Variants in PCLO observed in about 807,000 individuals in gnomAD.
The protein encoded by PCLO is protein piccolo.
Under a neutral mutation model 427.5 loss-of-function variants are expected in PCLO, and 82 were observed. The observed-to-expected ratio is 0.19, with a 90% CI of 0.16 to 0.23. The LOEUF (loss-of-function observed/expected upper bound fraction) is 0.23, where lower values mean the gene tolerates loss of function less well. PCLO is among the 10% of genes least tolerant of loss of function. PCLO has a pLI of 1.00. For synonymous variants in PCLO, 2,357 were observed against 2,155.4 expected, an observed-to-expected ratio of 1.09 and a Z score of -2.59; for missense variants, 6,239 against 6,115.9, an observed-to-expected ratio of 1.02 and a Z score of -0.67.
intron 10 of PCLO, among the ~76,000 whole-genome samples, chr7:82,865,837 T>A (rs1324104832): frequency 1.3e-5 from 2 of 152,312 alleles, no homozygotes; most frequent in Non-Finnish European, 1.5e-5. Flanking sequence ...TTAACTTACA[T>A]AGGTTCTTAC....
Position 82,951,269 on chromosome 7 carries a change from G to A in PCLO, c.9319C>T (p.Pro3107Ser). Residue 3107 changes from proline to serine, a missense_variant, in exon 6 of 25, where the codon CCT becomes TCT. Coordinates refer to ENST00000333891, the MANE Select transcript of PCLO (RefSeq NM_033026.6). ...TPSTFAITTQPGSIFSTTVRD... is the reference protein window; with the variant it reads ...TPSTFAITTQSGSIFSTTVRD... ...ACTGTGGTGCTGAAAATGGAGCCAG[G>A]TTGTGTGGTGATAGCAAATGTAGAG... The A allele has an allele frequency of 6.2e-7, 1 of 1,613,490 alleles. No homozygotes were observed. Among genetic ancestry groups the A allele is most frequent in the Non-Finnish European group, 8.5e-7 (1 of 1,179,680 alleles).
intron 4 of PCLO, among the ~76,000 whole-genome samples, chr7:82,957,444 T>C (rs1482615204): frequency 6.6e-6 from 1 of 152,184 alleles, no homozygotes; most frequent in Admixed American, 6.5e-5. Context: ...CATGTCATAA[T>C]AACATATATG....
intron 3 of PCLO, among the ~76,000 whole-genome samples, chr7:83,034,324 G>A (rs1788740474): frequency 6.6e-6 from 1 of 152,096 alleles, no homozygotes; most frequent in Admixed American, 6.6e-5. Context: ...GAGTAGCTGG[G>A]AATACAGGCA....
chr7:82,945,650 G>C (rs1324085650), intron 6 of PCLO, among the ~76,000 whole-genome samples: 4 of 152,152 alleles, frequency 2.6e-5, no homozygotes, highest in African/African-American at 9.7e-5. Flanking sequence ...CTGATACAAT[G>C]CATGAGCAAT....
In PCLO at chr7:83,155,365, C is replaced by T; in HGVS notation, c.1276G>A (p.Gly426Arg). Residue 426 changes from glycine (G) to arginine (R), a missense_variant, in exon 2 of 25, where the codon GGG becomes AGG. Gly to Arg is a moderately radical substitution (Grantham distance 125). Coordinates refer to ENST00000333891, the MANE Select transcript of PCLO (RefSeq NM_033026.6). ...GTPKPLAQQP[G>R]LQSPAKAPGP... ...GGTGCCTTAGCTGGAGACTGTAGCC[C>T]AGGTTGTTGAGCTAGGGGTTTTGGT... 6.2e-7 allele frequency: 1 copy of T among 1,613,532 alleles called. No homozygotes were observed. The highest frequency in any genetic ancestry group is 8.5e-7 in the Non-Finnish European group (1 of 1,179,796).
intron 6 of PCLO, among the ~76,000 whole-genome samples, chr7:82,921,997 T>C (rs889162287): frequency 6.6e-6 from 1 of 151,892 alleles, no homozygotes; most frequent in Non-Finnish European, 1.5e-5. Context: ...TCAGTAATCA[T>C]TAGGGGAATG....
chr7:83,109,791 T>C (rs150058029), intron 3 of PCLO, among the ~76,000 whole-genome samples: 1 of 152,220 alleles, frequency 6.6e-6, no homozygotes, highest in East Asian at 1.9e-4. Flanking sequence ...CCTTATAAAT[T>C]TGTACACTTA....
chr7:82,782,311 T>TGGAAAAACATGATTTGA (rs1171323707), intron 22 of PCLO, among the ~76,000 whole-genome samples: 2 of 152,206 alleles, frequency 1.3e-5, no homozygotes, highest in African/African-American at 2.4e-5. Context: ...GTGAGAATTG[T>TGGAAAAACATGATTTGA]GGAAAAACAT....
intron 3 of PCLO, among the ~76,000 whole-genome samples, chr7:83,121,350 C>T (rs2116562324): frequency 6.6e-6 from 1 of 152,134 alleles, no homozygotes; most frequent in Middle Eastern, 3.4e-3. Flanking sequence ...TTGTAAGTCT[C>T]ATGGTAACCT....
intron 8 of PCLO, among the ~76,000 whole-genome samples, chr7:82,907,518 C>T (rs1192473895): frequency 1.3e-5 from 2 of 151,884 alleles, no homozygotes; most frequent in East Asian, 3.9e-4. Context: ...TATTAATTTT[C>T]TTACTTTCTA....
intron 3 of PCLO, among the ~76,000 whole-genome samples, chr7:83,096,336 T>C (rs948792975): frequency 5.9e-5 from 9 of 152,088 alleles, no homozygotes; most frequent in African/African-American, 2.2e-4. Flanking sequence ...ACTTCAGAAA[T>C]TTAGTTATCT....
At chr7:83,074,848 A>C (rs1789910995) in intron 3 of PCLO, among the ~76,000 whole-genome samples, 1 of 152,172 alleles carries the variant, frequency 6.6e-6, no homozygotes, top group Admixed American at 6.5e-5. Flanking sequence ...AGAAAGGAGA[A>C]ACATACCACT....
chr7:82,960,373 CATT>C (rs1310484210), intron 4 of PCLO, among the ~76,000 whole-genome samples: 4 of 152,100 alleles, frequency 2.6e-5, no homozygotes, highest in African/African-American at 7.2e-5. Context: ...CTACAGAAAA[CATT>C]ATTATTTTTC....
intron 3 of PCLO, among the ~76,000 whole-genome samples, chr7:83,087,720 C>T (rs1189134132): frequency 2.0e-5 from 3 of 151,226 alleles, no homozygotes; most frequent in Admixed American, 2.0e-4. Flanking sequence ...GTTATTAAAC[C>T]TAAGATCTAA....
intron 3 of PCLO, chr7:83,017,866 A>C (rs997316216): frequency 6.6e-6 from 1 of 152,034 alleles, no homozygotes; most frequent in Admixed American, 6.6e-5. Context: ...TAAATGGCTA[A>C]GAAAGAAGTT....
chr7:83,058,377 G>A (rs1001268952), intron 3 of PCLO, among the ~76,000 whole-genome samples: 1 of 152,030 alleles, frequency 6.6e-6, no homozygotes, highest in Non-Finnish European at 1.5e-5. Context: ...ACATAGAGCT[G>A]ACAATTTCTC....
At chr7:82,919,235 A>C (rs560999860) in intron 6 of PCLO, among the ~76,000 whole-genome samples, 40 of 152,114 alleles carry the variant, frequency 2.6e-4, no homozygotes, top group Non-Finnish European at 4.0e-4. Flanking sequence ...TTAAAGTATA[A>C]TTTTTAAAAA....
intron 3 of PCLO, among the ~76,000 whole-genome samples, chr7:83,032,971 T>C (rs1036377056): frequency 1.3e-5 from 2 of 152,066 alleles, no homozygotes; most frequent in Non-Finnish European, 2.9e-5. Context: ...TGGAGGTGAT[T>C]TCCTCCATGC....
At position 82,950,997 on chromosome 7, in the gene PCLO, A is replaced by T. The variant is rs200530952; in HGVS notation, c.9591T>A (p.Asp3197Glu). 2.1e-3 allele frequency: 3,351 copies of T among 1,613,808 alleles called. 12 individuals are homozygous for T. The highest frequency in any genetic ancestry group is 7.0e-3 in the South Asian group (642 of 91,084). Residue 3197 changes from aspartate (D) to glutamate (E), a missense_variant, in exon 6 of 25, where the codon GAT becomes GAA. Around this residue, in one of 5 missense-constraint regions of PCLO, gnomAD observed 4,677 missense variants for 4,468.4 expected, o/e 1.05. Transcript: ENST00000333891. ...CAGGGACAATTAAAAGAGCACTTTC[A>T]TCTCCCACCACTTCAGGAAACACTT... ...ASEVFPEVVGDESALLIVPEE... is the reference protein window; with the variant it reads ...ASEVFPEVVGEESALLIVPEE...
Sources: gnomAD v4.1 joint callset for allele counts (sites outside exome capture counted in the v4.1 genomes callset) on GRCh38, gnomAD v4.1.1 for gene constraint, gnomAD v4.1.1 regional missense constraint, MANE v1.5 for transcripts, NCBI Gene and HGNC (gene_info 2026-07-23, HGNC 2026-07-21) for gene names.